The following TP63 variants were observed in gnomAD, a reference collection of about 807,000 sequenced individuals.
The protein encoded by TP63 is tumor protein p63, also known as tumor protein 63.
TP63 carries 17 observed loss-of-function variants against 82.8 expected under a neutral mutation model. The ratio of observed to expected loss-of-function variants is 0.21; its 90% confidence interval spans 0.14 to 0.31. The LOEUF is 0.31. Among genes scored for constraint, TP63 ranks in the 10% least tolerant of loss-of-function variants. The pLI is 1.00. For missense variants in TP63, 648 were observed against 895.3 expected (o/e 0.72, Z 3.52); for synonymous variants, 330 against 321.7 (o/e 1.03, Z -0.28).
chr3:189,776,621 C>A (rs900024341), intron 3 of TP63, among the ~76,000 whole-genome samples: 2 of 152,210 alleles, frequency 1.3e-5, no homozygotes, highest in Admixed American at 1.3e-4. Context: ...GTTAGGAGCA[C>A]TGGTTTTGCC....
At chr3:189,727,104 G>A (rs1473218019) in intron 1 of TP63, among the ~76,000 whole-genome samples, 3 of 152,232 alleles carry the variant, frequency 2.0e-5, no homozygotes, top group Non-Finnish European at 4.4e-5. Flanking sequence ...AAAGATTATG[G>A]TGCAGATTCT....
At position 189,756,064 on chromosome 3, in the gene TP63, G is replaced by C. The variant is rs1404267042; in HGVS notation, c.324+17290G>C. 4.6e-5 allele frequency among the ~76,000 whole-genome samples: 7 copies of C among 152,266 alleles called. No individual in the cohort carries two copies. In the East Asian group the frequency reaches 1.4e-3, roughly 29 times the overall value. ...GAGGGCTAGACAAAGTCTATTTCGAGACTTTCACCTAAGGTTAATCTTGAA... is the reference window on the plus strand; with the variant it reads ...GAGGGCTAGACAAAGTCTATTTCGACACTTTCACCTAAGGTTAATCTTGAA... On this transcript the variant is annotated intron_variant, in intron 3 of 13. Transcript: ENST00000264731.
the TP63 span, among the ~76,000 whole-genome samples, chr3:189,599,819 T>C: frequency 1.3e-5 from 2 of 152,234 alleles, no homozygotes; most frequent in Non-Finnish European, 2.9e-5. Context: ...GATTTGAAAA[T>C]TGTTTGTTCA....
chr3:189,771,935 C>T (rs911812510), intron 3 of TP63, among the ~76,000 whole-genome samples: 25 of 150,748 alleles, frequency 1.7e-4, no homozygotes, highest in South Asian at 1.3e-3. Context: ...CAATGGGATT[C>T]GATAGCATTT....
At chr3:189,737,336 G>A (rs147823382) in intron 1 of TP63, among the ~76,000 whole-genome samples, 73 of 152,254 alleles carry the variant, frequency 4.8e-4, no homozygotes, top group African/African-American at 1.7e-3. Context: ...GTGGCAGAAT[G>A]GGCAGATAAT....
rs80262548 is a variant in TP63, at chr3:189,857,349, C to G, written c.580-6883C>G. Among the ~76,000 whole-genome samples, 215 of 152,110 alleles carry G rather than the reference C, an allele frequency of 1.4e-3. 4 individuals carry two copies. The South Asian group carries it at 0.024, about 17-fold the overall frequency. On this transcript the variant is annotated intron_variant, in intron 4 of 13. Coordinates refer to ENST00000264731, the MANE Select transcript of TP63 (RefSeq NM_003722.5). ...TGTTAAAAAGAGAAGAATTATAAAC[C>G]CTTAACTCACACCATATACAACAAT...
rs1721422398 is a variant in TP63 at position 189,895,789 on chromosome 3, C to A, written c.*1287C>A. On this transcript the variant is annotated 3_prime_UTR_variant, in exon 14 of 14. Coordinates refer to ENST00000264731, the MANE Select transcript of TP63 (RefSeq NM_003722.5). ...TTTACCTTTCTCTCTCTAAGGTTTA[C>A]AATAGGAGTGGTGATTTGAAAAATA... The A allele has an allele frequency of 4.4e-6, 1 of 226,390 alleles. No homozygotes were observed. The highest frequency in any genetic ancestry group is 2.2e-5 in the African/African-American group (1 of 44,990). 14.0% of individuals were successfully genotyped at this position (226,390 alleles called of 1,614,324 possible). A position where few individuals can be genotyped will look rare whatever the true frequency, so the allele number is the denominator to read the frequency against.
intron 3 of TP63, among the ~76,000 whole-genome samples, chr3:189,794,754 T>C (rs1725520953): frequency 6.6e-6 from 1 of 152,000 alleles, no homozygotes; most frequent in Non-Finnish European, 1.5e-5. Flanking sequence ...TAATTGGAGC[T>C]CTACTAGAGA....
intron 10 of TP63, among the ~76,000 whole-genome samples, chr3:189,877,545 T>C (rs1372139097): frequency 6.6e-6 from 1 of 152,206 alleles, no homozygotes; most frequent in Non-Finnish European, 1.5e-5. Flanking sequence ...TTCTACAGGA[T>C]GAATTTTATT....
At chr3:189,803,839 A>T (rs911230015) in intron 3 of TP63, among the ~76,000 whole-genome samples, 1 of 152,236 alleles carries the variant, frequency 6.6e-6, no homozygotes, top group Non-Finnish European at 1.5e-5. Context: ...TTCACAGTAG[A>T]TATCACAGAA....
intron 4 of TP63, among the ~76,000 whole-genome samples, chr3:189,809,722 T>C (rs994055910): frequency 6.6e-6 from 1 of 152,254 alleles, no homozygotes; most frequent in Non-Finnish European, 1.5e-5. Flanking sequence ...CTTTAGTTTG[T>C]ATAGTTTATA....
intron 3 of TP63, among the ~76,000 whole-genome samples, chr3:189,789,509 A>G (rs1476717928): frequency 6.6e-6 from 1 of 151,206 alleles, no homozygotes; most frequent in Non-Finnish European, 1.5e-5. Flanking sequence ...GGTGATAAGG[A>G]ATTCTAACTA....
chr3:189,715,937 T>G (rs948899482), intron 1 of TP63, among the ~76,000 whole-genome samples: 4 of 152,216 alleles, frequency 2.6e-5, no homozygotes, highest in Non-Finnish European at 4.4e-5. Flanking sequence ...GATTTCACTT[T>G]CAACCACTTT....
chr3:189,877,949 C>T (rs1181969206), intron 10 of TP63, among the ~76,000 whole-genome samples: 2 of 152,118 alleles, frequency 1.3e-5, no homozygotes, highest in East Asian at 1.9e-4. Flanking sequence ...CTTCTGGGCT[C>T]AAGCGATCCC....
In TP63 at chr3:189,699,399, A is replaced by G. The variant is rs145639782; in HGVS notation, c.63-38341A>G. The stretch of plus-strand genomic sequence containing the variant: ...AAAAGGTATTTTATTCACTTGTCCC[A>G]TGAAATTGGAACAATAAGAAATTAA... On this transcript the variant is annotated intron_variant, in intron 1 of 13. Transcript: ENST00000264731. Among the ~76,000 whole-genome samples, 3 of 152,310 alleles carry G rather than the reference A, an allele frequency of 2.0e-5. No individual in the cohort carries two copies. In the East Asian group the frequency reaches 5.8e-4, roughly 29 times the overall value.
At chr3:189,719,689 C>A (rs369415103) in intron 1 of TP63, among the ~76,000 whole-genome samples, 1 of 152,164 alleles carries the variant, frequency 6.6e-6, no homozygotes. Context: ...GGCTTAAACA[C>A]GCTGCAAAAA....
At chr3:189,839,972 A>G (rs1437367205) in intron 4 of TP63, among the ~76,000 whole-genome samples, 1 of 152,176 alleles carries the variant, frequency 6.6e-6, no homozygotes, top group Non-Finnish European at 1.5e-5. Context: ...CACGTTTAGG[A>G]GTTTCAATTT....
chr3:189,703,475 G>T (rs948776812), intron 1 of TP63, among the ~76,000 whole-genome samples: 4 of 149,336 alleles, frequency 2.7e-5, no homozygotes, highest in African/African-American at 9.9e-5. Context: ...TACTCTCCCT[G>T]ATGCTATTTT....
chr3:189,724,009 ATTTTTTTTTT>A (rs34805260), intron 1 of TP63, among the ~76,000 whole-genome samples: 2 of 116,556 alleles, frequency 1.7e-5, no homozygotes, highest in Non-Finnish European at 3.7e-5. Context: ...CCTGGCTTTC[ATTTTTTTTTT>A]TTTTTTTTTG....
Sources: allele counts gnomAD v4.1 joint callset (sites outside exome capture counted in the v4.1 genomes callset), GRCh38; gene constraint gnomAD v4.1.1; transcripts MANE v1.5; gene names NCBI Gene and HGNC (gene_info 2026-07-23, HGNC 2026-07-21).